Variants in MAGI2 observed in about 807,000 individuals in gnomAD.
MAGI2 encodes membrane associated guanylate kinase, WW and PDZ domain containing 2, also known as membrane-associated guanylate kinase, WW and PDZ domain-containing protein 2.
In MAGI2, 35 loss-of-function variants were observed where a neutral mutation model predicts 133.3. The observed-to-expected ratio is 0.26, with a 90% CI of 0.20 to 0.35. The LOEUF is 0.35. Among genes scored for constraint, MAGI2 ranks in the 10% least tolerant of loss-of-function variants. The pLI, the probability that MAGI2 is intolerant of heterozygous loss-of-function variation, is 1.00. For missense variants in MAGI2, 1,636 were observed against 1,863.4 expected (o/e 0.88, Z 2.25); for synonymous variants, 729 against 710.6 (o/e 1.03, Z -0.41).
rs151307278 is a variant in MAGI2, at chr7:78,613,973, G to C, written c.538+13147C>G. On this transcript the variant is annotated intron_variant, in intron 3 of 21. Coordinates refer to ENST00000354212, the MANE Select transcript of MAGI2 (RefSeq NM_012301.4). ...AAAATACAAAAAATTAGTTGGGTGT[G>C]GTGGTGCATGCCTGTAATCCCGGCT... Among the ~76,000 whole-genome samples the C allele has an allele frequency of 5.4e-3, 827 of 151,850 alleles. 5 individuals carry two copies. The highest frequency in any genetic ancestry group is 0.019 in the African/African-American group (778 of 41,400).
chr7:78,705,681 T>A (rs996133468), intron 2 of MAGI2, among the ~76,000 whole-genome samples: 3 of 152,108 alleles, frequency 2.0e-5, no homozygotes, highest in Admixed American at 2.0e-4. Context: ...TTTTGTGTCA[T>A]GTAGGCCAAT....
chr7:79,320,135 T>C (rs1232194270), intron 1 of MAGI2, among the ~76,000 whole-genome samples: 1 of 152,188 alleles, frequency 6.6e-6, no homozygotes, highest in Admixed American at 6.5e-5. Context: ...AATTATTTAA[T>C]AAATCTGTAT....
chr7:78,794,378 C>T (rs151302216), intron 2 of MAGI2, among the ~76,000 whole-genome samples: 39 of 152,218 alleles, frequency 2.6e-4, no homozygotes, highest in East Asian at 2.5e-3. Context: ...TGGCAACTGC[C>T]CTTCTCCACA....
intron 9 of MAGI2, among the ~76,000 whole-genome samples, chr7:78,311,410 A>G (rs1798691379): frequency 6.6e-6 from 1 of 152,228 alleles, no homozygotes; most frequent in African/African-American, 2.4e-5. Flanking sequence ...AAGTCTCTGC[A>G]TTTGGCAGTA....
At chr7:78,545,815 T>C (rs1798784786) in intron 3 of MAGI2, among the ~76,000 whole-genome samples, 1 of 152,208 alleles carries the variant, frequency 6.6e-6, no homozygotes, top group African/African-American at 2.4e-5. Context: ...ATTTAAAATT[T>C]GGATTATGAT....
intron 2 of MAGI2, among the ~76,000 whole-genome samples, chr7:78,760,778 G>A (rs1824431455): frequency 6.6e-6 from 1 of 152,286 alleles, no homozygotes; most frequent in African/African-American, 2.4e-5. Flanking sequence ...TCATTAGCTT[G>A]TCCTCTTGAA....
At chr7:79,193,704 T>C (rs1459335755) in intron 1 of MAGI2, among the ~76,000 whole-genome samples, 1 of 151,828 alleles carries the variant, frequency 6.6e-6, no homozygotes, top group African/African-American at 2.4e-5. Context: ...AAATTATAAT[T>C]CATTACCTTT....
At chr7:78,529,668 GTTTTTTTTTTTTTTTTTTT>G (rs554010061) in intron 3 of MAGI2, among the ~76,000 whole-genome samples, 12 of 57,384 alleles carry the variant, frequency 2.1e-4, no homozygotes, top group African/African-American at 6.6e-4. Context: ...AAAGGAGATG[GTTTTTTTTTTTTTTTTTTT>G]TTTTTTTTTT....
chr7:78,281,842 C>A (rs887438764), intron 9 of MAGI2, among the ~76,000 whole-genome samples: 4 of 147,350 alleles, frequency 2.7e-5, no homozygotes, highest in East Asian at 2.0e-4. Flanking sequence ...ATCCTAATAA[C>A]CTTATTTCAT....
chr7:79,448,959 A>G (rs1849048476), intron 1 of MAGI2, among the ~76,000 whole-genome samples: 2 of 152,134 alleles, frequency 1.3e-5, no homozygotes, highest in Admixed American at 1.3e-4. Context: ...ATTATGCCCC[A>G]AGAGAACCGT....
chr7:78,725,033 G>A (rs766173368), intron 2 of MAGI2, among the ~76,000 whole-genome samples: 5 of 152,232 alleles, frequency 3.3e-5, no homozygotes, highest in Non-Finnish European at 7.3e-5. Context: ...TTACTGGAAT[G>A]AAGGAGGATT....
Position 78,046,124 on chromosome 7 carries a change from G to A in MAGI2, c.3707-26148C>T, listed in dbSNP as rs1021822882. 5.9e-5 allele frequency among the ~76,000 whole-genome samples: 9 copies of A among 151,878 alleles called. 1 individual carries two copies. The highest frequency in any genetic ancestry group is 1.2e-4 in the Non-Finnish European group (8 of 67,982). ...AGAAATAGGAATGTGGGCCAGGCAC[G>A]GTGGCTCATGCCTGTCATCCCAGCA... On this transcript the variant is annotated intron_variant, in intron 21 of 21. Coordinates refer to ENST00000354212, the MANE Select transcript of MAGI2 (RefSeq NM_012301.4).
intron 3 of MAGI2, among the ~76,000 whole-genome samples, chr7:78,572,708 G>A (rs1447371382): frequency 1.3e-5 from 2 of 151,786 alleles, no homozygotes; most frequent in Admixed American, 1.3e-4. Context: ...TGTTGCCCAG[G>A]CTGGAGTGCC....
chr7:78,858,622 T>G (rs1460358040), intron 2 of MAGI2, among the ~76,000 whole-genome samples: 2 of 152,196 alleles, frequency 1.3e-5, no homozygotes, highest in Non-Finnish European at 2.9e-5. Context: ...AGAGTCAGTT[T>G]GTTATAATTT....
intron 2 of MAGI2, among the ~76,000 whole-genome samples, chr7:78,990,757 C>G (rs1805678739): frequency 6.6e-6 from 1 of 151,444 alleles, no homozygotes; most frequent in African/African-American, 2.4e-5. Flanking sequence ...GAAGATAGAC[C>G]CAAGCTGCAT....
At chr7:78,299,452 CTTAGT>C (rs67767722) in intron 9 of MAGI2, among the ~76,000 whole-genome samples, 9,357 of 152,000 alleles carry the variant, frequency 0.062, 422 homozygotes, top group Middle Eastern at 0.15. Flanking sequence ...TGATACAAAG[CTTAGT>C]TTAAAGTAGA....
intron 3 of MAGI2, among the ~76,000 whole-genome samples, chr7:78,614,097 G>A (rs1242784758): frequency 7.8e-6 from 1 of 128,360 alleles, no homozygotes; most frequent in Non-Finnish European, 1.7e-5. Flanking sequence ...GTGACAGAGT[G>A]AGACTTCATC....
chr7:78,030,719 G>T (rs1276785527), intron 21 of MAGI2, among the ~76,000 whole-genome samples: 1 of 152,306 alleles, frequency 6.6e-6, no homozygotes, highest in South Asian at 2.1e-4. Context: ...AAACAACAGT[G>T]ACACAACTGA....
intron 9 of MAGI2, among the ~76,000 whole-genome samples, chr7:78,285,247 A>C (rs1796026658): frequency 1.3e-5 from 2 of 152,200 alleles, no homozygotes; most frequent in Non-Finnish European, 2.9e-5. Flanking sequence ...CATCCAAAAA[A>C]AATCTTAATC....
Sources: allele counts gnomAD v4.1 joint callset (sites outside exome capture counted in the v4.1 genomes callset), GRCh38; gene constraint gnomAD v4.1.1; transcripts MANE v1.5; gene names NCBI Gene and HGNC (gene_info 2026-07-23, HGNC 2026-07-21).